The following SLC28A3 variants were observed in gnomAD, a reference collection of about 807,000 sequenced individuals.
SLC28A3 encodes concentrative Na(+)-nucleoside cotransporter 3.
Under a neutral mutation model 84.2 loss-of-function variants are expected in SLC28A3, and 68 were observed. That is an observed-to-expected ratio of 0.81 (90% confidence interval 0.66 to 0.99). The LOEUF is 0.99. SLC28A3 is among the 50% of genes least tolerant of loss of function. SLC28A3 has a pLI of 0.00. For missense variants in SLC28A3, 712 were observed against 841.5 expected (o/e 0.85, Z 1.90); for synonymous variants, 267 against 303.6 (o/e 0.88, Z 1.25).
intron 10 of SLC28A3, 86 bp from the exon 11 acceptor site, chr9:84,290,365 C>A: frequency 1.3e-6 from 2 of 1,521,500 alleles, no homozygotes; most frequent in South Asian, 1.2e-5. Context: ...CAATTTTATT[C>A]TTTAAAGCAG....
Position 84,305,312 on chromosome 9 carries a change from A to G in SLC28A3, c.276T>C (p.Gly92=), listed in dbSNP as rs1825755811. The G allele has an allele frequency of 6.2e-7, 1 of 1,613,466 alleles. No homozygotes were observed. The highest frequency in any genetic ancestry group is 2.2e-5 in the East Asian group (1 of 44,862). ...CLERRYDTVC[G]FCRKHKTTLR... ...GAGTTGTTTTGTGTTTCCTACAGAAACCACATACTGTGTCATACCTCCTTT... is the reference window on the plus strand; with the variant it reads ...GAGTTGTTTTGTGTTTCCTACAGAAGCCACATACTGTGTCATACCTCCTTT... The change falls in exon 4 of 18, where the codon GGT becomes GGC. Residue 92 remains glycine (G), a synonymous_variant. Transcript: ENST00000376238.
In SLC28A3 at chr9:84,297,970, C is replaced by T; in HGVS notation, c.719G>A (p.Gly240Glu). 1 of 1,612,630 alleles carries T rather than the reference C, an allele frequency of 6.2e-7. No individual in the cohort carries two copies. ...AGGGTCAGTCCTTAGAATCAAGAGC[C>T]CAAGAAGAAACTGTAGCCCGATTCC... is the stretch of plus-strand genomic sequence containing the variant. ...LWGIGLQFLL[G>E]LLILRTDPGF... The change falls in exon 7 of 18, where the codon GGG becomes GAG. Residue 240 changes from glycine (G) to glutamate (E), a missense_variant. Gly to Glu is a moderately conservative substitution (Grantham distance 98). Coordinates refer to ENST00000376238, the MANE Select transcript of SLC28A3 (RefSeq NM_001199633.2).
intron 1 of SLC28A3, among the ~76,000 whole-genome samples, chr9:84,317,866 G>C (rs1826227505): frequency 1.3e-5 from 2 of 152,152 alleles, no homozygotes; most frequent in Admixed American, 1.3e-4. Context: ...GTTGTCCTCT[G>C]TATTTGAAAT....
intron 1 of SLC28A3, among the ~76,000 whole-genome samples, chr9:84,324,762 GTTGTGCTGT>G (rs1447747365): frequency 6.6e-6 from 1 of 152,186 alleles, no homozygotes; most frequent in Non-Finnish European, 1.5e-5. Context: ...ATCTTCATAG[GTTGTGCTGT>G]TTGGAACCTT....
the SLC28A3 span, among the ~76,000 whole-genome samples, chr9:84,357,607 CTATGCT>C: frequency 6.6e-6 from 1 of 152,006 alleles, no homozygotes; most frequent in Non-Finnish European, 1.5e-5. Flanking sequence ...GAAGTGGAGA[CTATGCT>C]TAGCACCATC....
intron 3 of SLC28A3, among the ~76,000 whole-genome samples, chr9:84,307,118 C>A (rs1183449290): frequency 2.8e-5 from 4 of 144,170 alleles, no homozygotes; most frequent in African/African-American, 1.0e-4. Flanking sequence ...TGTGTCACTG[C>A]ACCCCGTCTC....
At chr9:84,366,636 T>C in the SLC28A3 span, among the ~76,000 whole-genome samples, 1 of 152,238 alleles carries the variant, frequency 6.6e-6, no homozygotes, top group Non-Finnish European at 1.5e-5. Flanking sequence ...TCTTGCAGAC[T>C]TGTAGAGGTA....
At chr9:84,325,125 G>C (rs1458878137) in intron 1 of SLC28A3, among the ~76,000 whole-genome samples, 16 of 152,154 alleles carry the variant, frequency 1.1e-4, no homozygotes, top group East Asian at 7.7e-4. Flanking sequence ...TAAATCAAGA[G>C]AACTGGTGTC....
At chr9:84,324,066 C>A (rs568648681) in intron 1 of SLC28A3, among the ~76,000 whole-genome samples, 5 of 152,290 alleles carry the variant, frequency 3.3e-5, no homozygotes, top group Admixed American at 3.3e-4. Flanking sequence ...ATTATGTGGG[C>A]CAACAGGAAG....
chr9:84,285,582 T>A, intron 13 of SLC28A3, 40 bp from the exon 14 acceptor site: 1 of 1,610,562 alleles, frequency 6.2e-7, no homozygotes, highest in Non-Finnish European at 8.5e-7. Context: ...AGAATAGTGA[T>A]TTGCTTTCAG....
rs184796865 is a variant in SLC28A3, at chr9:84,310,482, G to C, written c.157-768C>G. The C allele has an allele frequency of 6.0e-5, 59 of 985,362 alleles. No individual in the cohort carries two copies. The Middle Eastern group carries it at 1.6e-3, about 26-fold the overall frequency. The allele number at this position is 985,362 out of a possible 1,614,324, so 61.0% of individuals were successfully genotyped here. ...TGTAACCAATGGTACAGAAGCTGGT[G>C]GGGGAGGAAATAGATGGAGGTGGAG... On this transcript the variant is annotated intron_variant, in intron 2 of 17. Coordinates refer to ENST00000376238, the MANE Select transcript of SLC28A3 (RefSeq NM_001199633.2).
chr9:84,278,020 G>C lies in SLC28A3; in HGVS notation c.*198C>G. 3.3e-6 allele frequency: 2 copies of C among 609,266 alleles called. No homozygotes were observed. Among genetic ancestry groups the C allele is most frequent in the Non-Finnish European group, 5.5e-6 (2 of 366,236 alleles). The allele number at this position is 609,266 out of a possible 1,614,324, so 37.7% of individuals were successfully genotyped here. A position where few individuals can be genotyped will look rare whatever the true frequency, so the allele number is the denominator to read the frequency against. On this transcript the variant is annotated 3_prime_UTR_variant, in exon 18 of 18. Coordinates refer to ENST00000376238, the MANE Select transcript of SLC28A3 (RefSeq NM_001199633.2). ...CATCATAGCAGTTCTTGGTGGGGAA[G>C]GGGCTGGTGGGGAGGGAGGGGAGGA...
At chr9:84,366,396 T>C in the SLC28A3 span, among the ~76,000 whole-genome samples, 1 of 152,148 alleles carries the variant, frequency 6.6e-6, no homozygotes, top group Non-Finnish European at 1.5e-5. Flanking sequence ...CATGTTGGCT[T>C]ATTTAGTTCA....
intron 14 of SLC28A3, among the ~76,000 whole-genome samples, chr9:84,282,077 G>A (rs891629632): frequency 6.6e-6 from 1 of 152,232 alleles, no homozygotes; most frequent in African/African-American, 2.4e-5. Context: ...GGGAGGCAGA[G>A]GTTGCAGTGA....
chr9:84,276,774 A>G lies in SLC28A3; in HGVS notation c.*1444T>C, dbSNP rs1046750938. 1 of 152,182 alleles carries G rather than the reference A, an allele frequency of 6.6e-6. No homozygotes were observed. Among genetic ancestry groups the G allele is most frequent in the African/African-American group, 2.4e-5 (1 of 41,432 alleles). The allele number at this position is 152,182 out of a possible 1,614,324, so 9.4% of individuals were successfully genotyped here. ...AAAACAAAACACACAAAAAACCCCA[A>G]CTATTTTCACATAGCTTTTTCTTTT... On this transcript the variant is annotated 3_prime_UTR_variant, in exon 18 of 18. Coordinates refer to ENST00000376238, the MANE Select transcript of SLC28A3 (RefSeq NM_001199633.2).
At chr9:84,300,510 C>T (rs756860231) in intron 5 of SLC28A3, among the ~76,000 whole-genome samples, 2 of 152,192 alleles carry the variant, frequency 1.3e-5, no homozygotes, top group Non-Finnish European at 2.9e-5. Context: ...GCAAGCATGA[C>T]AAATCTGACT....
chr9:84,351,906 A>G, the SLC28A3 span, among the ~76,000 whole-genome samples: 3 of 151,806 alleles, frequency 2.0e-5, no homozygotes, highest in African/African-American at 7.2e-5. Context: ...ATGTAAATGT[A>G]TATGAGTATG....
chr9:84,280,854 G>A lies in SLC28A3; in HGVS notation c.1676C>T (p.Ala559Val). 1.2e-6 allele frequency: 2 copies of A among 1,614,106 alleles called. No homozygotes were observed. Among genetic ancestry groups the A allele is most frequent in the Non-Finnish European group, 1.7e-6 (2 of 1,180,014 alleles). Residue 559 changes from alanine (A) to valine (V), a missense_variant, in exon 15 of 18, where the codon GCT becomes GTT. Coordinates refer to ENST00000376238, the MANE Select transcript of SLC28A3 (RefSeq NM_001199633.2). Reference protein sequence around the residue: ...SIRSEIIATYALCGFANIGSL... With the variant: ...SIRSEIIATYVLCGFANIGSL... Reference sequence around the variant, plus strand: ...CCCGATATTGGCAAAACCACAGAGAGCGTAAGTGGCGATTATCTCAGAACG... The same window carrying A: ...CCCGATATTGGCAAAACCACAGAGAACGTAAGTGGCGATTATCTCAGAACG...
At chr9:84,288,222 T>C (rs1341939947) in intron 11 of SLC28A3, 44 bp from the exon 12 acceptor site, 9 of 1,611,816 alleles carry the variant, frequency 5.6e-6, no homozygotes, top group Non-Finnish European at 6.8e-6. Flanking sequence ...ATTAGCTTTT[T>C]TCTTGTGTTC....
Sources: allele counts gnomAD v4.1 joint callset (sites outside exome capture counted in the v4.1 genomes callset), GRCh38; gene constraint gnomAD v4.1.1; transcripts MANE v1.5; gene names NCBI Gene and HGNC (gene_info 2026-07-23, HGNC 2026-07-21).